The following MCPH1 variants were observed in gnomAD, a reference collection of about 807,000 sequenced individuals.
MCPH1 encodes the protein microcephalin 1.
Under a neutral mutation model 84.5 loss-of-function variants are expected in MCPH1, and 104 were observed. The observed-to-expected ratio is 1.23, with a 90% CI of 1.05 to 1.45. The LOEUF is 1.45. MCPH1 is among the 40% of genes most tolerant of loss of function. The pLI, the probability that MCPH1 is intolerant of heterozygous loss-of-function variation, is 0.00. For synonymous variants in MCPH1, 514 were observed against 366.8 expected, an observed-to-expected ratio of 1.40 and a Z score of -4.58; for missense variants, 1,498 against 1,005.7, an observed-to-expected ratio of 1.49 and a Z score of -6.62.
chr8:6,594,766 C>T (rs554873284), intron 12 of MCPH1, among the ~76,000 whole-genome samples: 380 of 151,962 alleles, frequency 2.5e-3, no homozygotes, highest in Middle Eastern at 0.014. Context: ...CTCATTTCTG[C>T]GATGCTACAG....
intron 11 of MCPH1, among the ~76,000 whole-genome samples, chr8:6,488,722 G>A (rs983086977): frequency 1.3e-5 from 2 of 152,106 alleles, no homozygotes; most frequent in African/African-American, 2.4e-5. Context: ...TGTAGTTCAA[G>A]ACGAGGGATG....
chr8:6,538,582 C>T (rs991109754), intron 12 of MCPH1, among the ~76,000 whole-genome samples: 6 of 152,212 alleles, frequency 3.9e-5, no homozygotes, highest in African/African-American at 1.4e-4. Flanking sequence ...CCAGCGGCCT[C>T]ATACCACGGC....
intron 12 of MCPH1, among the ~76,000 whole-genome samples, chr8:6,571,836 A>G (rs76414903): frequency 0.05 from 7,566 of 152,246 alleles, 261 homozygotes; most frequent in East Asian, 0.12. Context: ...GTTTTTGAAG[A>G]ATTATAATAA....
At chr8:6,531,951 C>T (rs1200142076) in intron 12 of MCPH1, among the ~76,000 whole-genome samples, 1 of 152,162 alleles carries the variant, frequency 6.6e-6, no homozygotes, top group Non-Finnish European at 1.5e-5. Context: ...TAGCTCTTTG[C>T]CTCAGTGCTT....
Position 6,621,534 on chromosome 8 carries a change from G to A in MCPH1, c.2295G>A (p.Ser765=), listed in dbSNP as rs200401940. ...LFADQPAMFV[S]PASSPPVAKL... is the part of the protein sequence containing the mutation. The stretch of plus-strand genomic sequence containing the variant: ...CCGACCAGCCAGCGATGTTTGTCTC[G>A]CCTGCCAGCAGCCCCCCAGTGGCCA... The change falls in exon 13 of 14, where the codon TCG becomes TCA. Residue 765 remains serine (S), a synonymous_variant. Transcript: ENST00000344683. 1.9e-4 allele frequency: 302 copies of A among 1,613,990 alleles called. 2 individuals are homozygous for A. The highest frequency in any genetic ancestry group is 5.0e-5 in the Admixed American group (3 of 60,004).
At position 6,414,635 on chromosome 8, in the gene MCPH1, G is replaced by A. The variant is rs2442546; in HGVS notation, c.115-130G>A. The A allele has an allele frequency of 0.75, 680,551 of 906,062 alleles. 263,528 individuals carry two copies. The highest frequency in any genetic ancestry group is 0.8 in the Admixed American group (33,818 of 42,064). The allele number at this position is 906,062 out of a possible 1,614,324, so 56.1% of individuals were successfully genotyped here. ...ACAGATATGTTTTAAGCAGCGTTATGCATTCCTTTGAGTGTTTCTCTGTCA... is the reference window on the plus strand; with the variant it reads ...ACAGATATGTTTTAAGCAGCGTTATACATTCCTTTGAGTGTTTCTCTGTCA... On this transcript the variant is annotated intron_variant, in intron 2 of 13. Coordinates refer to ENST00000344683, the MANE Select transcript of MCPH1 (RefSeq NM_024596.5).
rs1026186015 is a variant in MCPH1 at position 6,615,955 on chromosome 8, C to T, written c.2215-5499C>T. ...TGGATTCTGAAATATTTATTTAATACCTCGAGGAGGGTGTGAGTAGATTGT... is the reference window on the plus strand; with the variant it reads ...TGGATTCTGAAATATTTATTTAATATCTCGAGGAGGGTGTGAGTAGATTGT... On this transcript the variant is annotated intron_variant, in intron 12 of 13. Coordinates refer to ENST00000344683, the MANE Select transcript of MCPH1 (RefSeq NM_024596.5). 3.3e-5 allele frequency: 5 copies of T among 152,134 alleles called. No homozygotes were observed. In the East Asian group the frequency reaches 9.6e-4, roughly 29 times the overall value. The allele number at this position is 152,134 out of a possible 1,614,324, so 9.4% of individuals were successfully genotyped here. A position where few individuals can be genotyped will look rare whatever the true frequency, so the allele number is the denominator to read the frequency against.
At chr8:6,444,260 G>T (rs985475730) in intron 7 of MCPH1, 133 bp from the exon 8 acceptor site, 90 of 1,012,882 alleles carry the variant, frequency 8.9e-5, no homozygotes, top group Non-Finnish European at 1.2e-4. Context: ...GAAATGAGAA[G>T]AACTCAAGTG....
chr8:6,463,930 T>C (rs1806558858), intron 9 of MCPH1, among the ~76,000 whole-genome samples: 1 of 152,200 alleles, frequency 6.6e-6, no homozygotes, highest in Admixed American at 6.5e-5. Context: ...TGATTTTAAA[T>C]TTAACTTTCA....
At position 6,593,905 on chromosome 8, in the gene MCPH1, C is replaced by G. The variant is rs1479066206; in HGVS notation, c.2215-27549C>G. Reference sequence around the variant, plus strand: ...TCCTTCTTATGCAAAAGTGGCCGTCCCTCCCATCAGAAGGACCCCCGCTGG... The same window carrying G: ...TCCTTCTTATGCAAAAGTGGCCGTCGCTCCCATCAGAAGGACCCCCGCTGG... On this transcript the variant is annotated intron_variant, in intron 12 of 13. Transcript: ENST00000344683. Among the ~76,000 whole-genome samples, 4 of 152,158 alleles carry G rather than the reference C, an allele frequency of 2.6e-5. No individual in the cohort carries two copies. The East Asian group carries it at 7.7e-4, about 29-fold the overall frequency.
intron 12 of MCPH1, among the ~76,000 whole-genome samples, chr8:6,579,511 C>T (rs955924018): frequency 6.6e-6 from 1 of 152,094 alleles, no homozygotes; most frequent in Admixed American, 6.6e-5. Context: ...TTTTCTGGGG[C>T]GTTCTAATGA....
intron 12 of MCPH1, chr8:6,527,732 T>A: frequency 6.8e-7 from 1 of 1,476,370 alleles, no homozygotes; most frequent in Non-Finnish European, 9.1e-7. Context: ...TTTAACTTTC[T>A]AACTTCCTTT....
chr8:6,499,561 A>T (rs1284740052), intron 11 of MCPH1: 2 of 181,092 alleles, frequency 1.1e-5, no homozygotes, highest in African/African-American at 4.7e-5. Context: ...AAATATATAT[A>T]TAAAATATTT....
chr8:6,488,699 C>T (rs1360452389), intron 11 of MCPH1, among the ~76,000 whole-genome samples: 1 of 151,914 alleles, frequency 6.6e-6, no homozygotes. Context: ...GCTGTAGGGC[C>T]CCAGTATGGC....
intron 11 of MCPH1, 99 bp downstream of exon 11, chr8:6,480,975 C>T (rs1250670538): frequency 6.7e-6 from 9 of 1,351,354 alleles, no homozygotes; most frequent in Non-Finnish European, 9.4e-6. Flanking sequence ...GGCGTGCACC[C>T]TTGTGGATCT....
chr8:6,510,725 A>C (rs925586813), intron 12 of MCPH1, among the ~76,000 whole-genome samples: 3 of 152,236 alleles, frequency 2.0e-5, no homozygotes, highest in Admixed American at 6.5e-5. Flanking sequence ...GTGCACACCT[A>C]AACAGAGATG....
chr8:6,636,114 A>G (rs529552257), intron 13 of MCPH1, among the ~76,000 whole-genome samples: 3 of 152,310 alleles, frequency 2.0e-5, no homozygotes, highest in South Asian at 4.1e-4. Context: ...CAAGGCGGGC[A>G]GATCACTTGA....
At chr8:6,503,617 C>A (rs1451835056) in intron 12 of MCPH1, among the ~76,000 whole-genome samples, 1 of 152,176 alleles carries the variant, frequency 6.6e-6, no homozygotes, top group Non-Finnish European at 1.5e-5. Flanking sequence ...CTCCTTCAAC[C>A]AGGATTACTT....
intron 13 of MCPH1, among the ~76,000 whole-genome samples, chr8:6,631,543 T>A (rs1797158118): frequency 6.6e-6 from 1 of 151,602 alleles, no homozygotes; most frequent in Non-Finnish European, 1.5e-5. Context: ...GATATAAATG[T>A]CCAATAGGCA....
Sources: allele counts gnomAD v4.1 joint callset (sites outside exome capture counted in the v4.1 genomes callset), GRCh38; gene constraint gnomAD v4.1.1; transcripts MANE v1.5; gene names NCBI Gene and HGNC (gene_info 2026-07-23, HGNC 2026-07-21).